ADA: variants seen among roughly 807,000 people sequenced by gnomAD.
ADA encodes the protein adenosine aminohydrolase.
Under a neutral mutation model 49.0 loss-of-function variants are expected in ADA, and 45 were observed. The observed-to-expected ratio is 0.92, with a 90% confidence interval of 0.72 to 1.18. The LOEUF is 1.18. Among genes scored for constraint, ADA ranks in the 50% most tolerant of loss-of-function variants. ADA has a pLI of 0.00. For missense variants in ADA, 445 were observed against 472.5 expected, an observed-to-expected ratio of 0.94 and a Z score of 0.54; for synonymous variants, 173 against 184.2, an observed-to-expected ratio of 0.94 and a Z score of 0.49.
Position 44,624,267 on chromosome 20 carries a change from CAA to C in ADA, c.539_540del (p.Ile180ArgfsTer6), listed in dbSNP as rs2065361148. The C allele has an allele frequency of 6.2e-7, 1 of 1,614,048 alleles. No individual in the cohort carries two copies. The highest frequency in any genetic ancestry group is 2.2e-5 in the East Asian group (1 of 44,862). The part of the protein sequence containing the change: ...KKYQQQTVVA[I>X]DLAGDETIPG... ...GGGATGGTCTCATCTCCAGCCAGGT[CAA>C]TGGCTACCACGGTCTGCTGCTGGTA... On this transcript the variant is annotated frameshift_variant, in exon 6 of 12. Transcript: ENST00000372874. LOFTEE classifies it high-confidence loss of function.
Position 44,635,287 on chromosome 20 carries a change from A to T in ADA, c.95+940T>A, listed in dbSNP as rs550153554. 4.6e-5 allele frequency among the ~76,000 whole-genome samples: 7 copies of T among 152,158 alleles called. No homozygotes were observed. The East Asian group carries it at 1.2e-3, about 25-fold the overall frequency. ...GTGTGTTCTCACTTGGAAGATGCAG[A>T]GATTTAGGCCCAGAGTTGGGGAGCC... On this transcript the variant is annotated intron_variant, in intron 2 of 11. Coordinates refer to ENST00000372874, the MANE Select transcript of ADA (RefSeq NM_000022.4).
chr20:44,631,145 T>C (rs1407142606), intron 2 of ADA, among the ~76,000 whole-genome samples: 2 of 152,234 alleles, frequency 1.3e-5, no homozygotes, highest in East Asian at 3.8e-4. Context: ...AATGCTTCCC[T>C]ACATAAATAT....
intron 8 of ADA, 37 bp downstream of exon 8, chr20:44,622,791 GC>G: frequency 6.2e-7 from 1 of 1,614,182 alleles, no homozygotes; most frequent in Non-Finnish European, 8.5e-7. Flanking sequence ...AGTTGGGACA[GC>G]CGGGGATGGT....
intron 9 of ADA, among the ~76,000 whole-genome samples, chr20:44,621,349 C>G (rs2065330056): frequency 6.6e-6 from 1 of 152,214 alleles, no homozygotes; most frequent in Non-Finnish European, 1.5e-5. Flanking sequence ...CAGAATCCAG[C>G]CCATCCTGAA....
chr20:44,626,324 C>A (rs1177089380), intron 4 of ADA, 132 bp downstream of exon 4: 30 of 1,278,008 alleles, frequency 2.3e-5, no homozygotes, highest in Non-Finnish European at 3.3e-5. Context: ...CTTTCTGAGG[C>A]CATGGACCAG....
chr20:44,635,848 A>G (rs2065474499), intron 2 of ADA, among the ~76,000 whole-genome samples: 1 of 152,072 alleles, frequency 6.6e-6, no homozygotes, highest in African/African-American at 2.4e-5. Context: ...CAGTGAGCCG[A>G]GATCATGCCA....
chr20:44,620,203 G>A, intron 11 of ADA, 96 bp downstream of exon 11: 2 of 1,103,774 alleles, frequency 1.8e-6, no homozygotes, highest in Non-Finnish European at 2.8e-6. Flanking sequence ...TCATGGCGCT[G>A]CCCAAGAATG....
At position 44,627,479 on chromosome 20, in the gene ADA, C is replaced by T. The variant is rs2065393858; in HGVS notation, c.219-880G>A. On this transcript the variant is annotated intron_variant, in intron 3 of 11. Transcript: ENST00000372874. ...TACAGGCGTGAGCCACTGTACCTGG[C>T]CCAGACCGCCTTATCTTAAAACGGC... 2.0e-5 allele frequency among the ~76,000 whole-genome samples: 3 copies of T among 152,188 alleles called. No homozygotes were observed. The South Asian group carries it at 6.2e-4, about 31-fold the overall frequency.
rs2123510552 is a variant in ADA, at chr20:44,621,008, AC to A, written c.975+9del. 6.2e-7 allele frequency: 1 copy of A among 1,613,832 alleles called. No individual in the cohort carries two copies. The highest frequency in any genetic ancestry group is 8.5e-7 in the Non-Finnish European group (1 of 1,179,962). ...CCGAGTCAAGGCCAGTATGGCTCAC[AC>A]CCACTCACCAGCCTTTTAAACTCCT... On this transcript the variant is annotated intron_variant, in intron 10 of 11. Transcript: ENST00000372874.
chr20:44,630,741 G>A (rs1193396272), intron 2 of ADA, among the ~76,000 whole-genome samples: 1 of 152,210 alleles, frequency 6.6e-6, no homozygotes, highest in Non-Finnish European at 1.5e-5. Context: ...AAAAATAGGA[G>A]GCCGGGTGCA....
intron 2 of ADA, among the ~76,000 whole-genome samples, chr20:44,629,860 G>T (rs921329368): frequency 6.6e-6 from 1 of 152,132 alleles, no homozygotes; most frequent in Non-Finnish European, 1.5e-5. Flanking sequence ...TTCTCCCCAA[G>T]CATCTCGGCC....
chr20:44,636,033 AG>A, intron 2 of ADA, 193 bp downstream of exon 2: 1 of 615,396 alleles, frequency 1.6e-6, no homozygotes, highest in Non-Finnish European at 2.9e-6. Context: ...AAAGCTCAGG[AG>A]TTGGTCTGCG....
chr20:44,646,791 C>G (rs908782959), intron 1 of ADA, among the ~76,000 whole-genome samples: 2 of 151,970 alleles, frequency 1.3e-5, no homozygotes, highest in East Asian at 1.9e-4. Context: ...CTCTTCCCCC[C>G]ACACTGCCCC....
At chr20:44,646,704 G>A (rs558766071) in intron 1 of ADA, among the ~76,000 whole-genome samples, 9 of 152,142 alleles carry the variant, frequency 5.9e-5, no homozygotes, top group East Asian at 1.9e-4. Context: ...GCTGCTAAGC[G>A]GCAGGCAGGA....
chr20:44,624,087 A>G, intron 6 of ADA, 115 bp downstream of exon 6: 3 of 1,439,714 alleles, frequency 2.1e-6, no homozygotes, highest in Non-Finnish European at 2.8e-6. Flanking sequence ...CAACAAAGAC[A>G]CACTTCAGAA....
chr20:44,620,796 C>CT (rs2065322822), intron 10 of ADA: 1 of 625,668 alleles, frequency 1.6e-6, no homozygotes, highest in Non-Finnish European at 2.8e-6. Context: ...TCACTGGATT[C>CT]TTTAAAGGCA....
intron 2 of ADA, among the ~76,000 whole-genome samples, chr20:44,632,889 T>C (rs2044777622): frequency 1.3e-5 from 2 of 152,236 alleles, no homozygotes. Context: ...ACACGGGGTT[T>C]CCCCATGTTG....
chr20:44,625,268 G>A (rs1019426758), intron 5 of ADA, among the ~76,000 whole-genome samples: 1 of 152,188 alleles, frequency 6.6e-6, no homozygotes, highest in Non-Finnish European at 1.5e-5. Context: ...GGAGGACTAT[G>A]GGCTGATCAG....
intron 9 of ADA, among the ~76,000 whole-genome samples, chr20:44,622,287 G>C (rs2065339379): frequency 6.6e-6 from 1 of 152,236 alleles, no homozygotes; most frequent in African/African-American, 2.4e-5. Context: ...AGGGGGCAGA[G>C]TTGGGAGAAT....
Sources: gnomAD v4.1 joint callset for allele counts (sites outside exome capture counted in the v4.1 genomes callset) on GRCh38, gnomAD v4.1.1 for gene constraint, MANE v1.5 for transcripts, NCBI Gene and HGNC (gene_info 2026-07-23, HGNC 2026-07-21) for gene names.